Variants in GNB1L observed in about 807,000 individuals in gnomAD.
GNB1L encodes G protein subunit beta 1 like.
In GNB1L, 20 loss-of-function variants were observed where a neutral mutation model predicts 29.1. The ratio of observed to expected loss-of-function variants is 0.69; its 90% CI spans 0.48 to 1.00. The LOEUF is 1.00. GNB1L is among the 50% of genes least tolerant of loss of function. The probability of loss-of-function intolerance (pLI) is 0.00; values close to 1 mark genes in which losing one functional copy is unlikely to be tolerated. For missense variants in GNB1L, 421 were observed against 464.9 expected, an observed-to-expected ratio of 0.91 and a Z score of 0.87; for synonymous variants, 193 against 206.5, an observed-to-expected ratio of 0.93 and a Z score of 0.56.
At chr22:19,845,130 G>C (rs1937933010) in intron 2 of GNB1L, among the ~76,000 whole-genome samples, 1 of 152,240 alleles carries the variant, frequency 6.6e-6, no homozygotes, top group African/African-American at 2.4e-5. Flanking sequence ...GGGTGGAAAG[G>C]GGAGGTCCCC....
At chr22:19,843,320 T>C (rs1937893945) in intron 2 of GNB1L, among the ~76,000 whole-genome samples, 1 of 152,268 alleles carries the variant, frequency 6.6e-6, no homozygotes, top group Admixed American at 6.5e-5. Flanking sequence ...CCTCTGTCAG[T>C]ATCCGCCTTT....
Position 19,807,537 on chromosome 22 carries a change from C to T in GNB1L, c.418-780G>A, listed in dbSNP as rs1001186941. ...CTGACAGAGCCCACTGATTCTATCT[C>T]CTCTGTCTGCTTCTCCTTCCTGGTG... On this transcript the variant is annotated intron_variant, in intron 5 of 7. Coordinates refer to ENST00000329517, the MANE Select transcript of GNB1L (RefSeq NM_053004.3). Among the ~76,000 whole-genome samples the T allele has an allele frequency of 3.9e-5, 6 of 152,206 alleles. No homozygotes were observed. The South Asian group carries it at 1.0e-3, about 26-fold the overall frequency.
At chr22:19,853,997 C>A (rs1030093243) in intron 2 of GNB1L, among the ~76,000 whole-genome samples, 1 of 152,192 alleles carries the variant, frequency 6.6e-6, no homozygotes, top group South Asian at 2.1e-4. Flanking sequence ...CACTCACCTG[C>A]GCACCTGTGT....
intron 2 of GNB1L, 96 bp from the exon 3 acceptor site, chr22:19,821,471 G>T: frequency 8.1e-7 from 1 of 1,228,146 alleles, no homozygotes; most frequent in Non-Finnish European, 1.2e-6. Flanking sequence ...TGTTGCCCCT[G>T]CTCATTGTCT....
intron 2 of GNB1L, among the ~76,000 whole-genome samples, chr22:19,833,060 A>C (rs1937706792): frequency 6.6e-6 from 1 of 152,236 alleles, no homozygotes; most frequent in Admixed American, 6.5e-5. Flanking sequence ...CGCCAAACTC[A>C]GCTCTCTCTG....
At chr22:19,824,834 C>T (rs760585478) in intron 2 of GNB1L, among the ~76,000 whole-genome samples, 25 of 152,324 alleles carry the variant, frequency 1.6e-4, no homozygotes, top group African/African-American at 2.2e-4. Context: ...AGCAGGGCTG[C>T]GGCAGTGGCT....
At chr22:19,825,601 G>C (rs928257336) in intron 2 of GNB1L, among the ~76,000 whole-genome samples, 5 of 147,316 alleles carry the variant, frequency 3.4e-5, no homozygotes, top group Non-Finnish European at 7.5e-5. Flanking sequence ...CAGCCTGGGG[G>C]ACAGAGCAAG....
chr22:19,786,823 T>G lies in GNB1L; in HGVS notation c.*1886A>C, dbSNP rs1424817295. 6.6e-6 allele frequency: 1 copy of G among 152,344 alleles called. No homozygotes were observed. The highest frequency in any genetic ancestry group is 1.5e-5 in the Non-Finnish European group (1 of 68,128). 9.4% of individuals were successfully genotyped at this position (152,344 alleles called of 1,614,324 possible). A position where few individuals can be genotyped will look rare whatever the true frequency, so the allele number is the denominator to read the frequency against. Reference sequence around the variant, plus strand: ...TCACTGCAGCCTAAACCCAGGACCCTTCCCCTCCCTGACACCTCAGTGATA... The same window carrying G: ...TCACTGCAGCCTAAACCCAGGACCCGTCCCCTCCCTGACACCTCAGTGATA... On this transcript the variant is annotated 3_prime_UTR_variant, in exon 8 of 8. Coordinates refer to ENST00000329517, the MANE Select transcript of GNB1L (RefSeq NM_053004.3).
At chr22:19,805,315 G>A (rs942578475) in intron 6 of GNB1L, among the ~76,000 whole-genome samples, 21 of 152,346 alleles carry the variant, frequency 1.4e-4, no homozygotes, top group African/African-American at 5.1e-4. Context: ...GAAAAGCTGG[G>A]GGCAGGGACT....
At chr22:19,792,960 A>G (rs1937268265) in intron 7 of GNB1L, 2 of 1,424,570 alleles carry the variant, frequency 1.4e-6, no homozygotes, top group Non-Finnish European at 9.8e-7. Flanking sequence ...GGAAGCTATC[A>G]GGACCAATTA....
Position 19,787,100 on chromosome 22 carries a change from A to C in GNB1L, c.*1609T>G, listed in dbSNP as rs1937198020. 6.6e-6 allele frequency: 1 copy of C among 152,054 alleles called. No homozygotes were observed. Among genetic ancestry groups the C allele is most frequent in the Non-Finnish European group, 1.5e-5 (1 of 68,036 alleles). 9.4% of individuals were successfully genotyped at this position (152,054 alleles called of 1,614,324 possible). On this transcript the variant is annotated 3_prime_UTR_variant, in exon 8 of 8. Transcript: ENST00000329517. ...ACCAACAGAGAAGTGTGGTCACAGG[A>C]CTCCTCAAGGACTCCGGGCCCCCCA... is the stretch of plus-strand genomic sequence containing the variant.
intron 7 of GNB1L, among the ~76,000 whole-genome samples, chr22:19,793,593 CAAG>C (rs907678810): frequency 6.6e-6 from 1 of 152,008 alleles, no homozygotes; most frequent in African/African-American, 2.4e-5. Context: ...CCAATCAGGA[CAAG>C]AAGAAAAATC....
At position 19,812,367 on chromosome 22, in the gene GNB1L, C is replaced by A; in HGVS notation, c.335G>T (p.Ser112Ile). ...SAVVDSVCLE[S>I]VGFCRSSILA... Reference sequence around the variant, plus strand: ...GATGCTGCTCCGGCAGAAGCCCACACTCTCCAAGCACACGGAGTCCACGAC... The same window carrying A: ...GATGCTGCTCCGGCAGAAGCCCACAATCTCCAAGCACACGGAGTCCACGAC... The change falls in exon 5 of 8, where the codon AGT becomes ATT. Residue 112 changes from serine (S) to isoleucine (I), a missense_variant. By Grantham distance (142) the Ser-to-Ile change is moderately radical (BLOSUM62 -2). Coordinates refer to ENST00000329517, the MANE Select transcript of GNB1L (RefSeq NM_053004.3). 1 of 1,613,384 alleles carries A rather than the reference C, an allele frequency of 6.2e-7. No individual in the cohort carries two copies. The highest frequency in any genetic ancestry group is 8.5e-7 in the Non-Finnish European group (1 of 1,179,994).
chr22:19,814,010 G>A (rs375236727), intron 4 of GNB1L, among the ~76,000 whole-genome samples: 1 of 152,106 alleles, frequency 6.6e-6, no homozygotes, highest in South Asian at 2.1e-4. Flanking sequence ...AAAAAGGATC[G>A]GGGATGTCAG....
At chr22:19,789,488 C>T (rs1437927108) in intron 7 of GNB1L, among the ~76,000 whole-genome samples, 1 of 151,092 alleles carries the variant, frequency 6.6e-6, no homozygotes, top group Non-Finnish European at 1.5e-5. Context: ...GAGCAAGACC[C>T]AGTGGGGGGT....
Position 19,835,620 on chromosome 22 carries a change from G to A in GNB1L, c.-20-14245C>T, listed in dbSNP as rs374875513. On this transcript the variant is annotated intron_variant, in intron 2 of 7. Transcript: ENST00000329517. ...ACCCAGCTGGCGGAGGTTGCAGTGA[G>A]TCAAGATCGCGCCACTGCACTCCAG... 5.3e-5 allele frequency among the ~76,000 whole-genome samples: 8 copies of A among 152,092 alleles called. No individual in the cohort carries two copies. The East Asian group carries it at 1.5e-3, about 29-fold the overall frequency.
chr22:19,844,024 C>G (rs1488292425), intron 2 of GNB1L, among the ~76,000 whole-genome samples: 1 of 152,164 alleles, frequency 6.6e-6, no homozygotes, highest in Non-Finnish European at 1.5e-5. Context: ...CCCAGGTGCC[C>G]CAGGGCTGGC....
rs369017694 is a variant in GNB1L, at chr22:19,841,183, A to G, written c.-21+13260T>C. On this transcript the variant is annotated intron_variant, in intron 2 of 7. Coordinates refer to ENST00000329517, the MANE Select transcript of GNB1L (RefSeq NM_053004.3). ...GTCCATTAGTCATGCGCAGAGCAAG[A>G]TGCTGACAGGAAAAAGGGCTCAGAA... is the stretch of plus-strand genomic sequence containing the variant. 1.6e-4 allele frequency among the ~76,000 whole-genome samples: 24 copies of G among 152,344 alleles called. No individual in the cohort carries two copies. In the East Asian group the frequency reaches 1.9e-3, roughly 12 times the overall value.
intron 2 of GNB1L, chr22:19,848,113 G>A (rs1263948606): frequency 1.0e-6 from 1 of 984,768 alleles, no homozygotes; most frequent in Non-Finnish European, 1.2e-6. Context: ...ATATCCCATA[G>A]GACCTTATCC....
Sources: gnomAD v4.1 joint callset for allele counts (sites outside exome capture counted in the v4.1 genomes callset) on GRCh38, gnomAD v4.1.1 for gene constraint, MANE v1.5 for transcripts, NCBI Gene and HGNC (gene_info 2026-07-23, HGNC 2026-07-21) for gene names.